The following CRHR1 variants were observed in gnomAD, a reference collection of about 807,000 sequenced individuals.
CRHR1 encodes the protein corticotropin releasing hormone receptor 1.
A neutral mutation model predicts 56.0 loss-of-function variants in CRHR1; 28 were observed. The observed-to-expected ratio is 0.50, with a 90% CI of 0.37 to 0.69. CRHR1 has a LOEUF of 0.69. Among genes scored for constraint, CRHR1 ranks in the 30% least tolerant of loss-of-function variants. The probability of loss-of-function intolerance (pLI) is 0.00; values close to 1 mark genes in which losing one functional copy is unlikely to be tolerated. For synonymous variants in CRHR1, 195 were observed against 216.5 expected (o/e 0.90, Z 0.87); for missense variants, 376 against 548.0 (o/e 0.69, Z 3.13).
intron 2 of CRHR1, among the ~76,000 whole-genome samples, chr17:45,809,906 C>G (rs1271526107): frequency 1.3e-5 from 2 of 152,236 alleles, no homozygotes; most frequent in Non-Finnish European, 2.9e-5. Flanking sequence ...CTAATGACAT[C>G]ACAGACAAAT....
intron 3 of CRHR1, among the ~76,000 whole-genome samples, chr17:45,818,322 T>C (rs2061970239): frequency 6.6e-6 from 1 of 152,178 alleles, no homozygotes; most frequent in Non-Finnish European, 1.5e-5. Context: ...CCCCCATGAG[T>C]TCCCTCTGCT....
intron 10 of CRHR1, 21 bp from the exon 11 acceptor site, chr17:45,833,693 T>TGGGGGGGGGGGGGGCGC: frequency 6.4e-7 from 1 of 1,571,618 alleles, no homozygotes; most frequent in Non-Finnish European, 8.7e-7. Context: ...ACTCCGAGCC[T>TGGGGGGGGGGGGGGCGC]CCCCACCCGC....
chr17:45,802,150 C>T (rs1232737283), intron 1 of CRHR1, among the ~76,000 whole-genome samples: 1 of 152,032 alleles, frequency 6.6e-6, no homozygotes, highest in Non-Finnish European at 1.5e-5. Flanking sequence ...CAGGGTGAAA[C>T]CTCATCTCTA....
At chr17:45,832,635 A>G (rs775496312) in intron 8 of CRHR1, among the ~76,000 whole-genome samples, 2 of 152,176 alleles carry the variant, frequency 1.3e-5, no homozygotes, top group Non-Finnish European at 2.9e-5. Context: ...ATGCAAAGCA[A>G]TTACCTCCTG....
At chr17:45,809,425 C>T (rs554971646) in intron 2 of CRHR1, among the ~76,000 whole-genome samples, 2 of 152,288 alleles carry the variant, frequency 1.3e-5, no homozygotes, top group East Asian at 1.9e-4. Flanking sequence ...TCAACTTGTT[C>T]GTTATGCTCA....
At chr17:45,787,159 A>C (rs1414893435) in intron 1 of CRHR1, among the ~76,000 whole-genome samples, 2 of 152,046 alleles carry the variant, frequency 1.3e-5, no homozygotes, top group African/African-American at 4.8e-5. Context: ...GTCCTGGGGG[A>C]AAATGTGTGT....
chr17:45,819,368 T>C (rs62057110), intron 3 of CRHR1, among the ~76,000 whole-genome samples: 21,824 of 152,202 alleles, frequency 0.14, 2,141 homozygotes, highest in Middle Eastern at 0.22. Context: ...CAGGATTTGA[T>C]GCTAGGCTGT....
At chr17:45,796,146 G>A (rs1035957855) in intron 1 of CRHR1, among the ~76,000 whole-genome samples, 4 of 152,126 alleles carry the variant, frequency 2.6e-5, no homozygotes, top group East Asian at 1.9e-4. Context: ...CGGCTGAGCC[G>A]AGAGCACAGC....
chr17:45,832,712 C>A (rs2143265028), intron 8 of CRHR1, among the ~76,000 whole-genome samples: 1 of 152,360 alleles, frequency 6.6e-6, no homozygotes, highest in South Asian at 2.1e-4. Context: ...CAGATTCAGG[C>A]TGAGATTGCG....
At chr17:45,833,309 C>G (rs1200182534) in intron 9 of CRHR1, 99 bp downstream of exon 9, 8 of 1,477,348 alleles carry the variant, frequency 5.4e-6, no homozygotes, top group Non-Finnish European at 9.5e-7. Flanking sequence ...AGGTGGGGGC[C>G]ACCCAAAGAG....
chr17:45,805,004 G>A (rs536782647), intron 1 of CRHR1, among the ~76,000 whole-genome samples: 10 of 151,926 alleles, frequency 6.6e-5, no homozygotes, highest in East Asian at 1.9e-4. Context: ...TAGTAGAGAC[G>A]GGGCTTCACC....
In CRHR1 at chr17:45,824,409, G is replaced by A. The variant is rs530613762; in HGVS notation, c.327+2969G>A. On this transcript the variant is annotated intron_variant, in intron 4 of 12. Transcript: ENST00000314537. ...GCACTCAACCCTCCTGAGGGTCAGC[G>A]CGGGGTCTTCGTGGTTCACCTGTCT... Among the ~76,000 whole-genome samples the A allele has an allele frequency of 7.2e-5, 11 of 152,322 alleles. No homozygotes were observed. In the South Asian group the frequency reaches 1.2e-3, roughly 17 times the overall value.
intron 3 of CRHR1, among the ~76,000 whole-genome samples, chr17:45,817,261 C>A (rs1487142341): frequency 6.6e-6 from 1 of 152,368 alleles, no homozygotes; most frequent in East Asian, 1.9e-4. Flanking sequence ...TTTGCTCTCC[C>A]CTGTCAATGA....
At chr17:45,801,730 C>T (rs751360723) in intron 1 of CRHR1, among the ~76,000 whole-genome samples, 1 of 152,138 alleles carries the variant, frequency 6.6e-6, no homozygotes, top group Non-Finnish European at 1.5e-5. Flanking sequence ...CTGAAAGGAG[C>T]GCCAGTGGCT....
rs1427779233 is a variant in CRHR1, at chr17:45,833,145, T to C, written c.778T>C (p.Phe260Leu). The change falls in exon 9 of 13, where the codon TTT (phenylalanine) becomes CTT (leucine). Residue 260 changes from phenylalanine (F) to leucine (L), a missense_variant. Phe to Leu is a conservative substitution (Grantham distance 22). Around this residue, in one of 2 missense-constraint regions of CRHR1, gnomAD observed 369 missense variants for 519.5 expected, o/e 0.71. Coordinates refer to ENST00000314537, the MANE Select transcript of CRHR1 (RefSeq NM_004382.5). The part of the protein sequence containing the change: ...KLYYDNEKCW[F>L]GKRPGVYTDY... ...TCCTCTGTGGCCTTCTAGGTGCTGGTTTGGCAAAAGGCCTGGGGTGTACAC... is the reference window on the plus strand; with the variant it reads ...TCCTCTGTGGCCTTCTAGGTGCTGGCTTGGCAAAAGGCCTGGGGTGTACAC... The C allele has an allele frequency of 4.3e-6, 7 of 1,613,920 alleles. No individual in the cohort carries two copies. The highest frequency in any genetic ancestry group is 5.9e-6 in the Non-Finnish European group (7 of 1,179,944).
chr17:45,809,653 C>T (rs1301960448), intron 2 of CRHR1, among the ~76,000 whole-genome samples: 1 of 152,230 alleles, frequency 6.6e-6, no homozygotes, highest in Non-Finnish European at 1.5e-5. Flanking sequence ...CCCAGACCGA[C>T]GGGCACTGGT....
In CRHR1 at chr17:45,829,772, A is replaced by G. The variant is rs1212107060; in HGVS notation, c.435-322A>G. The G allele has an allele frequency of 6.8e-6, 7 of 1,036,496 alleles. No homozygotes were observed. The East Asian group carries it at 7.8e-5, about 12-fold the overall frequency. 64.2% of individuals were successfully genotyped at this position (1,036,496 alleles called of 1,614,324 possible). On this transcript the variant is annotated intron_variant, in intron 5 of 12. Coordinates refer to ENST00000314537, the MANE Select transcript of CRHR1 (RefSeq NM_004382.5). ...GCAGGGCTGACCCCTGTGACTGTCC[A>G]TCCTGGAATGGCAGGGAGTAGAAGG... is the stretch of plus-strand genomic sequence containing the variant.
At chr17:45,830,615 C>T (rs753364632) in intron 7 of CRHR1, 45 bp downstream of exon 7, 12 of 1,562,854 alleles carry the variant, frequency 7.7e-6, no homozygotes, top group Middle Eastern at 1.8e-4. Flanking sequence ...TGGCGGCCGC[C>T]GGGCTGCCCT....
chr17:45,830,286 C>T, intron 6 of CRHR1, 72 bp downstream of exon 6: 1 of 1,571,720 alleles, frequency 6.4e-7, no homozygotes, highest in Non-Finnish European at 8.7e-7. Flanking sequence ...GCCTGCCCTG[C>T]AGAGGAGGAG....
Sources: allele counts gnomAD v4.1 joint callset (sites outside exome capture counted in the v4.1 genomes callset), GRCh38; gene constraint gnomAD v4.1.1; regional missense constraint gnomAD v4.1.1; transcripts MANE v1.5; gene names NCBI Gene and HGNC (gene_info 2026-07-23, HGNC 2026-07-21).